DRC7: variants seen among roughly 807,000 people sequenced by gnomAD.
DRC7 encodes the protein dynein regulatory complex subunit 7.
Under a neutral mutation model 104.4 loss-of-function variants are expected in DRC7, and 80 were observed. The ratio of observed to expected loss-of-function variants is 0.77; its 90% CI spans 0.64 to 0.92. DRC7 has a LOEUF of 0.92. Ranked by LOEUF, DRC7 falls within the 40% of genes least tolerant of loss-of-function variation. The pLI is 0.00. For synonymous variants in DRC7, 405 were observed against 447.3 expected, an observed-to-expected ratio of 0.91 and a Z score of 1.19; for missense variants, 1,034 against 1,141.1, an observed-to-expected ratio of 0.91 and a Z score of 1.35.
chr16:57,730,299 G>A (rs1343187602), intron 17 of DRC7, among the ~76,000 whole-genome samples: 1 of 139,954 alleles, frequency 7.1e-6, no homozygotes, highest in African/African-American at 2.7e-5. Context: ...GTGGATGGGT[G>A]GGTGGGTGGA....
At chr16:57,709,694 T>C (rs553637201) in intron 8 of DRC7, among the ~76,000 whole-genome samples, 7 of 152,352 alleles carry the variant, frequency 4.6e-5, no homozygotes, top group African/African-American at 1.4e-4. Flanking sequence ...GTGCACAAGT[T>C]AGTGGCTTTT....
intron 9 of DRC7, among the ~76,000 whole-genome samples, chr16:57,720,403 T>C (rs1401069257): frequency 6.6e-6 from 1 of 152,230 alleles, no homozygotes; most frequent in African/African-American, 2.4e-5. Flanking sequence ...CTCCAGAGAC[T>C]GGGGACATCT....
rs775214927 is a variant in DRC7 at position 57,726,140 on chromosome 16, G to A, written c.1831G>A (p.Val611Ile). 6.2e-7 allele frequency: 1 copy of A among 1,613,104 alleles called. No homozygotes were observed. The highest frequency in any genetic ancestry group is 1.3e-5 in the African/African-American group (1 of 74,958). ...GGACGTGGCAGAGCGCGTGTTTCTG[G>A]TCGCGGAGGAGCGCATCCAGCTGCG... ...EEDVAERVFL[V>I]AEERIQLRYH... The change falls in exon 14 of 19, where the codon GTC becomes ATC. Residue 611 changes from valine to isoleucine, a missense_variant. By Grantham distance (29) the Val-to-Ile change is conservative (BLOSUM62 3). Coordinates refer to ENST00000360716, the MANE Select transcript of DRC7 (RefSeq NM_001289162.2).
rs1372921984 is a variant in DRC7 at position 57,698,129 on chromosome 16, G to GATC, written c.182_184dup (p.Ile61dup). 6.2e-7 allele frequency: 1 copy of GATC among 1,614,052 alleles called. No individual in the cohort carries two copies. The highest frequency in any genetic ancestry group is 8.5e-7 in the Non-Finnish European group (1 of 1,180,046). On this transcript the variant is annotated inframe_insertion, in exon 3 of 19. Coordinates refer to ENST00000360716, the MANE Select transcript of DRC7 (RefSeq NM_001289162.2). ...TGGAGAAGAAGCTGTCAGAGATCCA[G>GATC]ATCACTGTCTCAGCGGAGCTCCCGT...
At chr16:57,695,017 TG>T (rs2148724232) in intron 1 of DRC7, among the ~76,000 whole-genome samples, 165 bp downstream of exon 1, 1 of 152,016 alleles carries the variant, frequency 6.6e-6, no homozygotes, top group South Asian at 2.1e-4. Flanking sequence ...AGGAAGTTGC[TG>T]GTGGAGAGGG....
rs144790676 is a variant in DRC7, at chr16:57,731,046, G to A, written c.2507G>A (p.Arg836His). The change falls in exon 18 of 19, where the codon CGC (arginine) becomes CAC (histidine). Residue 836 changes from arginine to histidine, a missense_variant. Arg to His is a conservative substitution (Grantham distance 29). Transcript: ENST00000360716. ...TGCTCTCAGGCCATGTTCCGCATCC[G>A]CATCCTGGAGCAGCGCCTCAATCGG... is the stretch of plus-strand genomic sequence containing the variant. ...SYCSQAMFRI[R>H]ILEQRLNRHK... The A allele has an allele frequency of 1.5e-4, 235 of 1,613,690 alleles. No homozygotes were observed. The African/African-American group carries it at 1.8e-3, about 13-fold the overall frequency.
In DRC7 at chr16:57,703,455, G is replaced by A. The variant is rs77043009; in HGVS notation, c.699+1325G>A. Among the ~76,000 whole-genome samples the A allele has an allele frequency of 0.011, 1,625 of 152,284 alleles. 132 individuals carry two copies. In the East Asian group the frequency reaches 0.2, roughly 18 times the overall value. On this transcript the variant is annotated intron_variant, in intron 6 of 18. Transcript: ENST00000360716. The stretch of plus-strand genomic sequence containing the variant: ...CAGGGTCAGGCTCCTGTGGGTGTCC[G>A]CAGCTTGGAGATGGGGATCCAGGGA...
chr16:57,706,206 A>ACCCATCCACCCATCCT (rs2048722984), intron 7 of DRC7, among the ~76,000 whole-genome samples: 1 of 115,452 alleles, frequency 8.7e-6, no homozygotes, highest in Non-Finnish European at 1.8e-5. Context: ...CCTCCCATCC[A>ACCCATCCACCCATCCT]CCCATCCTCC....
chr16:57,710,567 C>G (rs2048782321), intron 8 of DRC7, among the ~76,000 whole-genome samples: 1 of 152,164 alleles, frequency 6.6e-6, no homozygotes, highest in Non-Finnish European at 1.5e-5. Context: ...CTGTTTATTC[C>G]TGATCTTACG....
intron 12 of DRC7, among the ~76,000 whole-genome samples, chr16:57,723,993 G>A (rs1223110493): frequency 1.3e-5 from 2 of 152,132 alleles, no homozygotes; most frequent in African/African-American, 4.8e-5. Context: ...TTTTCTGGAG[G>A]ACAGTTGGGC....
intron 6 of DRC7, among the ~76,000 whole-genome samples, chr16:57,704,147 G>A (rs540076856): frequency 4.6e-5 from 7 of 152,090 alleles, no homozygotes; most frequent in East Asian, 1.9e-4. Flanking sequence ...GCCCAGTGTG[G>A]TAGATATTGT....
intron 2 of DRC7, among the ~76,000 whole-genome samples, 174 bp downstream of exon 2, chr16:57,696,768 T>C (rs902611632): frequency 6.6e-6 from 1 of 152,230 alleles, no homozygotes; most frequent in Non-Finnish European, 1.5e-5. Flanking sequence ...ACTCCCTGTT[T>C]GTATGCCCTG....
Position 57,724,545 on chromosome 16 carries a change from G to A in DRC7, c.1538-70G>A, listed in dbSNP as rs895431221. ...CTTCTCCCTGGGCCTGGGGTTGGGC[G>A]ACCAAGCCAGCAGCCATACTTCCTA... On this transcript the variant is annotated intron_variant, in intron 12 of 18. Transcript: ENST00000360716. The A allele has an allele frequency of 5.8e-6, 7 of 1,200,256 alleles. No individual in the cohort carries two copies. The Middle Eastern group carries it at 8.0e-4, about 137-fold the overall frequency. 74.4% of individuals were successfully genotyped at this position (1,200,256 alleles called of 1,614,324 possible).
intron 5 of DRC7, 127 bp downstream of exon 5, chr16:57,700,397 C>A: frequency 7.8e-7 from 1 of 1,277,494 alleles, no homozygotes; most frequent in Non-Finnish European, 1.1e-6. Context: ...GCCTGTAATC[C>A]CAGCATTTTG....
chr16:57,726,629 C>G (rs2048969845), intron 14 of DRC7: 1 of 558,572 alleles, frequency 1.8e-6, no homozygotes, highest in South Asian at 2.2e-5. Context: ...TCTCCCGGCA[C>G]AGTCCCCAGC....
intron 4 of DRC7, among the ~76,000 whole-genome samples, chr16:57,699,263 C>G (rs1364916717): frequency 6.6e-6 from 1 of 152,242 alleles, no homozygotes; most frequent in Non-Finnish European, 1.5e-5. Context: ...CCTAAAGAGG[C>G]AGCTGCTGAT....
chr16:57,700,994 G>A (rs762504712), intron 5 of DRC7, among the ~76,000 whole-genome samples: 2 of 152,200 alleles, frequency 1.3e-5, no homozygotes, highest in Non-Finnish European at 2.9e-5. Flanking sequence ...TATGACCTGA[G>A]TAGCTGGGCA....
intron 3 of DRC7, 93 bp downstream of exon 3, chr16:57,698,245 T>A: frequency 1.3e-6 from 2 of 1,562,730 alleles, no homozygotes; most frequent in Non-Finnish European, 1.7e-6. Context: ...TCTGGTAGGG[T>A]GACCAGGAGA....
At chr16:57,729,401 G>A (rs1340751062) in intron 17 of DRC7, among the ~76,000 whole-genome samples, 1 of 145,248 alleles carries the variant, frequency 6.9e-6, no homozygotes, top group Non-Finnish European at 1.5e-5. Context: ...TGGATGAGTG[G>A]GCGGGTGGAT....
Sources: gnomAD v4.1 joint callset for allele counts (sites outside exome capture counted in the v4.1 genomes callset) on GRCh38, gnomAD v4.1.1 for gene constraint, MANE v1.5 for transcripts, NCBI Gene and HGNC (gene_info 2026-07-23, HGNC 2026-07-21) for gene names.